The following BTBD1 variants were observed in gnomAD, a reference collection of about 807,000 sequenced individuals.
The protein encoded by BTBD1 is BTB/POZ domain-containing protein 1.
Under a neutral mutation model 48.0 loss-of-function variants are expected in BTBD1, and 34 were observed. The ratio of observed to expected loss-of-function variants is 0.71; its 90% CI spans 0.54 to 0.94. The LOEUF is 0.94. Ranked by LOEUF, BTBD1 falls within the 40% of genes least tolerant of loss-of-function variation. The pLI, the probability that BTBD1 is intolerant of heterozygous loss-of-function variation, is 0.00. For missense variants in BTBD1, 543 were observed against 625.6 expected (o/e 0.87, Z 1.41); for synonymous variants, 261 against 242.1 (o/e 1.08, Z -0.72).
intron 5 of BTBD1, 79 bp downstream of exon 5, chr15:83,030,057 A>T: frequency 1.5e-5 from 16 of 1,057,998 alleles, no homozygotes; most frequent in Non-Finnish European, 2.3e-5. Context: ...TTGGTTAATT[A>T]TCTCCCATAA....
rs1391872739 is a variant in BTBD1 at position 83,041,764 on chromosome 15, G to A, written c.826C>T (p.Arg276Trp). The stretch of plus-strand genomic sequence containing the variant: ...TCCTCAATTGTCATCAGTGGGAACC[G>A]GATTAAGGAAAGTGCTTTTCCTAGA... ...KVLGKALSLI[R>W]FPLMTIEEFA... The change falls in exon 4 of 8, where the codon CGG (arginine) becomes TGG (tryptophan). Residue 276 changes from arginine (R) to tryptophan (W), a missense_variant. This residue lies in a region of BTBD1 where 300 missense variants were observed against 350.0 expected (regional missense o/e 0.86). Coordinates refer to ENST00000261721, the MANE Select transcript of BTBD1 (RefSeq NM_025238.4). The A allele has an allele frequency of 1.9e-5, 30 of 1,613,962 alleles. No homozygotes were observed. In the East Asian group the frequency reaches 3.8e-4, roughly 20 times the overall value.
intron 3 of BTBD1, among the ~76,000 whole-genome samples, chr15:83,043,408 C>A (rs1468628974): frequency 6.6e-6 from 1 of 152,026 alleles, no homozygotes; most frequent in Non-Finnish European, 1.5e-5. Context: ...CATGCAGCAC[C>A]CTGTAGATCA....
intron 3 of BTBD1, among the ~76,000 whole-genome samples, chr15:83,046,745 A>G (rs2032886581): frequency 6.6e-6 from 1 of 152,192 alleles, no homozygotes; most frequent in Non-Finnish European, 1.5e-5. Flanking sequence ...CCAGTACTCA[A>G]CAGACACCAC....
intron 4 of BTBD1, among the ~76,000 whole-genome samples, chr15:83,035,751 C>T (rs2032613666): frequency 6.6e-6 from 1 of 151,730 alleles, no homozygotes; most frequent in Admixed American, 6.6e-5. Context: ...AAATGGAAAA[C>T]ATACTGTAAT....
chr15:83,021,887 T>A (rs898399259), intron 5 of BTBD1, among the ~76,000 whole-genome samples: 1 of 152,094 alleles, frequency 6.6e-6, no homozygotes, highest in Admixed American at 6.6e-5. Flanking sequence ...TAATACTAAC[T>A]CATCAATACC....
Position 83,030,215 on chromosome 15 carries a change from T to C in BTBD1, c.976A>G (p.Arg326Gly). The C allele has an allele frequency of 6.2e-7, 1 of 1,614,022 alleles. No homozygotes were observed. Among genetic ancestry groups the C allele is most frequent in the Non-Finnish European group, 8.5e-7 (1 of 1,179,964 alleles). ...CTATTGATGCAGCATTCCTTTCCCC[T>C]GAGACAGCATCTTGGTCGGTCAATG... ...EYIDRPRCCL[R>G]GKECCINRFQ... Residue 326 changes from arginine (R) to glycine (G), a missense_variant, in exon 5 of 8, where the codon AGG becomes GGG. Arg to Gly is a moderately radical substitution (Grantham distance 125). Around this residue, in one of 3 missense-constraint regions of BTBD1, gnomAD observed 300 missense variants for 350.0 expected, o/e 0.86. Transcript: ENST00000261721.
chr15:83,049,231 A>C (rs1388077199), intron 3 of BTBD1, among the ~76,000 whole-genome samples: 1 of 152,170 alleles, frequency 6.6e-6, no homozygotes, highest in Non-Finnish European at 1.5e-5. Flanking sequence ...ACTCTCATTC[A>C]GACTGAGGCC....
At chr15:83,043,372 C>G (rs2032806538) in intron 3 of BTBD1, among the ~76,000 whole-genome samples, 1 of 152,034 alleles carries the variant, frequency 6.6e-6, no homozygotes, top group African/African-American at 2.4e-5. Context: ...GCAAGGAGGC[C>G]AGAGGCTGTG....
chr15:83,051,573 T>G (rs1366822257), intron 2 of BTBD1, among the ~76,000 whole-genome samples: 2 of 151,130 alleles, frequency 1.3e-5, no homozygotes, highest in Non-Finnish European at 3.0e-5. Context: ...GATTATACAC[T>G]GAGCCTGTTT....
intron 3 of BTBD1, among the ~76,000 whole-genome samples, chr15:83,042,219 A>G (rs995649134): frequency 2.6e-5 from 4 of 151,602 alleles, no homozygotes; most frequent in African/African-American, 9.7e-5. Context: ...ACTATCCAGA[A>G]TAAGATTAAC....
chr15:83,037,444 T>C (rs1379985722), intron 4 of BTBD1, among the ~76,000 whole-genome samples: 1 of 152,148 alleles, frequency 6.6e-6, no homozygotes, highest in Admixed American at 6.5e-5. Flanking sequence ...AAAAACCATA[T>C]GACTGTCTCA....
chr15:83,034,322 C>G (rs2032585154), intron 4 of BTBD1, among the ~76,000 whole-genome samples: 1 of 152,090 alleles, frequency 6.6e-6, no homozygotes, highest in Non-Finnish European at 1.5e-5. Flanking sequence ...CAGACAAAGA[C>G]TTTAAAACAA....
chr15:83,038,528 T>A (rs2032674932), intron 4 of BTBD1, among the ~76,000 whole-genome samples: 1 of 152,108 alleles, frequency 6.6e-6, no homozygotes, highest in Non-Finnish European at 1.5e-5. Context: ...ACATCATTTT[T>A]CACAGAACTA....
chr15:83,018,602 C>G, intron 7 of BTBD1, 105 bp downstream of exon 7: 2 of 1,291,630 alleles, frequency 1.5e-6, no homozygotes, highest in South Asian at 1.6e-5. Context: ...CTTCTTTTCC[C>G]CCCTCTTTAT....
intron 7 of BTBD1, 78 bp downstream of exon 7, chr15:83,018,625 TGTCA>T: frequency 6.7e-7 from 1 of 1,495,824 alleles, no homozygotes; most frequent in Admixed American, 2.1e-5. Flanking sequence ...ATGGCTCAGC[TGTCA>T]GTGACTCTCA....
intron 3 of BTBD1, among the ~76,000 whole-genome samples, chr15:83,043,718 G>C (rs776228371): frequency 1.3e-5 from 2 of 152,112 alleles, no homozygotes; most frequent in South Asian, 2.1e-4. Flanking sequence ...ATAACTGCAA[G>C]GTTTATATAG....
intron 4 of BTBD1, among the ~76,000 whole-genome samples, chr15:83,036,823 C>G: frequency 6.6e-6 from 1 of 152,094 alleles, no homozygotes; most frequent in South Asian, 2.1e-4. Context: ...GAATACACAC[C>G]ATATATATGA....
At chr15:83,064,927 A>G (rs1372313365) in intron 1 of BTBD1, among the ~76,000 whole-genome samples, 1 of 152,188 alleles carries the variant, frequency 6.6e-6, no homozygotes, top group Non-Finnish European at 1.5e-5. Flanking sequence ...TAAAGAAGAA[A>G]AAAAGGTACT....
chr15:83,030,101 C>A, intron 5 of BTBD1, 35 bp downstream of exon 5: 1 of 1,592,950 alleles, frequency 6.3e-7, no homozygotes, highest in Non-Finnish European at 8.6e-7. Context: ...ACTGCTACCC[C>A]CACTCTACCC....
Sources: allele counts gnomAD v4.1 joint callset (sites outside exome capture counted in the v4.1 genomes callset), GRCh38; gene constraint gnomAD v4.1.1; regional missense constraint gnomAD v4.1.1; transcripts MANE v1.5; gene names NCBI Gene and HGNC (gene_info 2026-07-23, HGNC 2026-07-21).